The following KIFBP variants were observed in gnomAD, a reference collection of about 807,000 sequenced individuals.
KIFBP encodes kinesin family binding protein.
A neutral mutation model predicts 58.9 loss-of-function variants in KIFBP; 46 were observed. The ratio of observed to expected loss-of-function variants is 0.78; its 90% CI spans 0.62 to 1.00. KIFBP has a LOEUF of 1.00. Ranked by LOEUF, KIFBP falls within the 50% of genes least tolerant of loss-of-function variation. KIFBP has a pLI of 0.00. For synonymous variants in KIFBP, 241 were observed against 283.4 expected (o/e 0.85, Z 1.50); for missense variants, 651 against 752.9 (o/e 0.86, Z 1.58).
intron 2 of KIFBP, among the ~76,000 whole-genome samples, chr10:69,002,730 A>G (rs563973641): frequency 4.6e-5 from 7 of 150,788 alleles, no homozygotes; most frequent in Non-Finnish European, 7.4e-5. Context: ...TACAAAAACT[A>G]AAAAAAAATT....
chr10:69,012,433 C>G (rs1843606068), intron 6 of KIFBP, among the ~76,000 whole-genome samples: 1 of 152,050 alleles, frequency 6.6e-6, no homozygotes, highest in South Asian at 2.1e-4. Flanking sequence ...ATGCAATATA[C>G]TAAGTGTAGA....
intron 6 of KIFBP, among the ~76,000 whole-genome samples, chr10:69,012,371 G>A (rs1466356049): frequency 6.6e-6 from 1 of 152,066 alleles, no homozygotes; most frequent in African/African-American, 2.4e-5. Flanking sequence ...ATTAATTTAT[G>A]CCCAATCCTA....
At chr10:69,006,634 A>G (rs1429728007) in intron 4 of KIFBP, among the ~76,000 whole-genome samples, 1 of 152,174 alleles carries the variant, frequency 6.6e-6, no homozygotes, top group African/African-American at 2.4e-5. Context: ...TTAATCCTTA[A>G]TAAGACATCT....
In KIFBP at chr10:69,016,113, A is replaced by G; in HGVS notation, c.1563A>G (p.Leu521=). The change falls in exon 7 of 7, where the codon TTA becomes TTG. Residue 521 remains leucine, a synonymous_variant. Transcript: ENST00000361983. The part of the protein sequence containing the change: ...KSALKYYQLF[L]DSLRDPNKVF... ...CACTGAAGTACTACCAGCTCTTCTT[A>G]GACTCCCTGAGAGACCCAAATAAAG... 6.2e-7 allele frequency: 1 copy of G among 1,614,202 alleles called. No individual in the cohort carries two copies. Among genetic ancestry groups the G allele is most frequent in the Non-Finnish European group, 8.5e-7 (1 of 1,180,022 alleles).
In KIFBP at chr10:69,016,844, C is replaced by G. The variant is rs1488254829; in HGVS notation, c.*428C>G. ...TAAAATATTTGACTTCCTAAATTCC[C>G]CCCACCCAAAATCTTTCCCTTTTGA... On this transcript the variant is annotated 3_prime_UTR_variant, in exon 7 of 7. Coordinates refer to ENST00000361983, the MANE Select transcript of KIFBP (RefSeq NM_015634.4). The G allele has an allele frequency of 6.4e-6, 1 of 155,952 alleles. No individual in the cohort carries two copies. 9.7% of individuals were successfully genotyped at this position (155,952 alleles called of 1,614,324 possible). A position where few individuals can be genotyped will look rare whatever the true frequency, so the allele number is the denominator to read the frequency against.
chr10:68,998,771 A>ATATATT (rs1357079794), intron 1 of KIFBP, among the ~76,000 whole-genome samples: 34 of 99,860 alleles, frequency 3.4e-4, no homozygotes, highest in Non-Finnish European at 5.1e-4. Flanking sequence ...ATATATATAT[A>ATATATT]TTTTTTTTTT....
At chr10:68,992,964 A>G (rs1340511120) in intron 1 of KIFBP, among the ~76,000 whole-genome samples, 2 of 152,268 alleles carry the variant, frequency 1.3e-5, no homozygotes, top group South Asian at 2.1e-4. Flanking sequence ...GAACCTCCAC[A>G]GAGAGCATGT....
chr10:68,999,555 T>C (rs1843442217), intron 1 of KIFBP, among the ~76,000 whole-genome samples: 1 of 152,146 alleles, frequency 6.6e-6, no homozygotes, highest in Non-Finnish European at 1.5e-5. Context: ...GTTGACCTGC[T>C]GGGGCTCGCA....
intron 2 of KIFBP, among the ~76,000 whole-genome samples, chr10:69,004,725 C>G (rs139695950): frequency 2.0e-5 from 3 of 152,106 alleles, no homozygotes; most frequent in African/African-American, 7.2e-5. Context: ...TTAGCCAGGA[C>G]TGGTGGTGCA....
intron 1 of KIFBP, among the ~76,000 whole-genome samples, chr10:68,997,161 C>T (rs1263545918): frequency 6.6e-5 from 10 of 152,094 alleles, no homozygotes; most frequent in Admixed American, 6.5e-4. Context: ...TTGGATAGTT[C>T]TCTCCTCTAT....
At chr10:69,009,898 T>C (rs1843573713) in intron 5 of KIFBP, among the ~76,000 whole-genome samples, 1 of 152,112 alleles carries the variant, frequency 6.6e-6, no homozygotes, top group Non-Finnish European at 1.5e-5. Flanking sequence ...TCCTTACAAA[T>C]GGACATTCTA....
In KIFBP at chr10:68,988,933, A is replaced by G. The variant is rs1843308460; in HGVS notation, c.101A>G (p.Lys34Arg). 1 of 1,614,118 alleles carries G rather than the reference A, an allele frequency of 6.2e-7. No individual in the cohort carries two copies. ...AAAAATCCGGAGAAGGAACCATACA[A>G]GTCCAAATACAGCGCCCGGGCGCTA... ...LHKNPEKEPYKSKYSARALLE... is the reference protein window; with the variant it reads ...LHKNPEKEPYRSKYSARALLE... Residue 34 changes from lysine to arginine, a missense_variant, in exon 1 of 7, where the codon AAG becomes AGG. By Grantham distance (26) the Lys-to-Arg change is conservative. Transcript: ENST00000361983.
intron 1 of KIFBP, among the ~76,000 whole-genome samples, chr10:68,992,830 G>C (rs1440483653): frequency 6.6e-6 from 1 of 151,986 alleles, no homozygotes; most frequent in Non-Finnish European, 1.5e-5. Context: ...TTTATCTTTT[G>C]TTTTACATTT....
intron 4 of KIFBP, chr10:69,006,750 C>T (rs1012065707): frequency 6.6e-6 from 1 of 152,230 alleles, no homozygotes; most frequent in East Asian, 1.9e-4. Flanking sequence ...TCTGGTAACC[C>T]GCTGCCTTAT....
intron 6 of KIFBP, chr10:69,015,280 A>G: frequency 2.4e-6 from 1 of 414,830 alleles, no homozygotes; most frequent in Non-Finnish European, 4.3e-6. Flanking sequence ...GTAACTGTAA[A>G]TAAATTTCAG....
chr10:69,004,023 C>T (rs1843501366), intron 2 of KIFBP, among the ~76,000 whole-genome samples: 1 of 151,834 alleles, frequency 6.6e-6, no homozygotes. Context: ...AGATTGAGAC[C>T]ATCCTGGCCA....
intron 1 of KIFBP, among the ~76,000 whole-genome samples, chr10:68,995,530 G>A (rs1843395081): frequency 6.6e-6 from 1 of 151,964 alleles, no homozygotes; most frequent in African/African-American, 2.4e-5. Context: ...ATATATTGTT[G>A]AACTGAATTC....
At chr10:68,989,318 C>T (rs1285398100) in intron 1 of KIFBP, 60 bp downstream of exon 1, 1 of 1,580,212 alleles carries the variant, frequency 6.3e-7, no homozygotes, top group Non-Finnish European at 8.6e-7. Context: ...TGGGGAGGAG[C>T]CCCTGCCAAG....
chr10:69,003,254 T>C, intron 2 of KIFBP, among the ~76,000 whole-genome samples: 1 of 152,178 alleles, frequency 6.6e-6, no homozygotes, highest in South Asian at 2.1e-4. Context: ...ATTGATTAAT[T>C]CCCCTCATCT....
Sources: gnomAD v4.1 joint callset for allele counts (sites outside exome capture counted in the v4.1 genomes callset) on GRCh38, gnomAD v4.1.1 for gene constraint, MANE v1.5 for transcripts, NCBI Gene and HGNC (gene_info 2026-07-23, HGNC 2026-07-21) for gene names.